STXBP3: variants seen among roughly 807,000 people sequenced by gnomAD.
STXBP3 encodes syntaxin binding protein 3.
A neutral mutation model predicts 85.7 loss-of-function variants in STXBP3; 41 were observed. That is an observed-to-expected ratio of 0.48 (90% confidence interval 0.37 to 0.62). The LOEUF is 0.62. STXBP3 is among the 20% of genes least tolerant of loss of function. The probability of loss-of-function intolerance (pLI) is 0.00; values close to 1 mark genes in which losing one functional copy is unlikely to be tolerated. For synonymous variants in STXBP3, 229 were observed against 231.7 expected, an observed-to-expected ratio of 0.99 and a Z score of 0.10; for missense variants, 563 against 703.1, an observed-to-expected ratio of 0.80 and a Z score of 2.25.
chr1:108,760,598 A>G (rs1177184987), intron 6 of STXBP3, among the ~76,000 whole-genome samples: 2 of 152,174 alleles, frequency 1.3e-5, no homozygotes. Context: ...TGTGTCATAT[A>G]CTTTCCTGAG....
chr1:108,796,323 T>C lies in STXBP3; in HGVS notation c.1200T>C (p.Asp400=). ...LLPVLLNKNH[D]NCDKIRAILL... ...CAGTTCTACTCAACAAAAATCATGA[T>C]AATTGTGATAAAATAAGAGCAATTC... The change falls in exon 14 of 19, where the codon GAT becomes GAC. Residue 400 remains aspartate, a synonymous_variant. Transcript: ENST00000370008. 6.2e-7 allele frequency: 1 copy of C among 1,600,080 alleles called. No homozygotes were observed. Among genetic ancestry groups the C allele is most frequent in the Non-Finnish European group, 8.6e-7 (1 of 1,167,314 alleles).
chr1:108,752,925 TAAAAG>T, intron 2 of STXBP3, 133 bp from the exon 3 acceptor site: 1 of 526,864 alleles, frequency 1.9e-6, no homozygotes, highest in Non-Finnish European at 3.3e-6. Flanking sequence ...TCATGCAAGA[TAAAAG>T]ATGAGATCAT....
rs1363429168 is a variant in STXBP3 at position 108,772,563 on chromosome 1, ATATC to A, written c.439-98_439-95del. ...TATAATATATAAATACATATGATAT[ATATC>A]TATATAATATATACATTATATATAA... On this transcript the variant is annotated intron_variant, in intron 6 of 18. Coordinates refer to ENST00000370008, the MANE Select transcript of STXBP3 (RefSeq NM_007269.4). 2.2e-5 allele frequency: 8 copies of A among 360,186 alleles called. No individual in the cohort carries two copies. In the East Asian group the frequency reaches 8.9e-4, roughly 40 times the overall value. The allele number at this position is 360,186 out of a possible 1,614,324, so 22.3% of individuals were successfully genotyped here.
At chr1:108,765,641 C>G (rs1191178770) in intron 6 of STXBP3, among the ~76,000 whole-genome samples, 2 of 127,454 alleles carry the variant, frequency 1.6e-5, no homozygotes, top group Non-Finnish European at 3.1e-5. Context: ...GTGGTGCAAT[C>G]TCGTTTCACT....
chr1:108,756,279 C>T (rs530360906), intron 3 of STXBP3, among the ~76,000 whole-genome samples: 2 of 152,176 alleles, frequency 1.3e-5, no homozygotes, highest in Admixed American at 6.5e-5. Flanking sequence ...AAAACTTGGG[C>T]TCTGGAGTCA....
At chr1:108,789,071 AT>A (rs1344274826) in intron 11 of STXBP3, among the ~76,000 whole-genome samples, 19 of 152,192 alleles carry the variant, frequency 1.2e-4, no homozygotes, top group Non-Finnish European at 2.1e-4. Flanking sequence ...GTAAAAAAAA[AT>A]AAAATAAAAT....
rs534714264 is a variant in STXBP3 at position 108,790,953 on chromosome 1, A to G, written c.964-2629A>G. 2.0e-5 allele frequency among the ~76,000 whole-genome samples: 3 copies of G among 152,290 alleles called. No individual in the cohort carries two copies. In the East Asian group the frequency reaches 5.8e-4, roughly 29 times the overall value. ...AATAAAAGCAAGATGTTATTTTGTT[A>G]TAAACACTCAGTAGACTTTTATTAT... is the stretch of plus-strand genomic sequence containing the variant. On this transcript the variant is annotated intron_variant, in intron 11 of 18. Transcript: ENST00000370008.
chr1:108,764,936 G>A (rs1252587322), intron 6 of STXBP3, among the ~76,000 whole-genome samples: 1 of 152,136 alleles, frequency 6.6e-6, no homozygotes, highest in East Asian at 1.9e-4. Flanking sequence ...TGGCGTCTTT[G>A]TCTTGAAATC....
intron 3 of STXBP3, among the ~76,000 whole-genome samples, chr1:108,754,804 A>G (rs759503096): frequency 2.6e-5 from 4 of 152,172 alleles, no homozygotes; most frequent in Admixed American, 6.5e-5. Flanking sequence ...TTGGCCACAG[A>G]AAGCTATTTT....
chr1:108,773,956 CA>C (rs1308329780), intron 7 of STXBP3, among the ~76,000 whole-genome samples: 35 of 152,046 alleles, frequency 2.3e-4, no homozygotes, highest in East Asian at 3.9e-4. Flanking sequence ...CTACCAAGGT[CA>C]AAAAAATAGA....
At chr1:108,784,641 A>C (rs1367108742) in intron 11 of STXBP3, among the ~76,000 whole-genome samples, 1 of 152,192 alleles carries the variant, frequency 6.6e-6, no homozygotes, top group Non-Finnish European at 1.5e-5. Flanking sequence ...ATGCCCTTCC[A>C]ACAGTCCCCT....
intron 6 of STXBP3, among the ~76,000 whole-genome samples, chr1:108,764,401 G>T (rs1033431545): frequency 7.9e-5 from 12 of 151,882 alleles, no homozygotes; most frequent in Non-Finnish European, 1.5e-4. Context: ...TATTCTTTTG[G>T]GTATATACCT....
intron 4 of STXBP3, 123 bp from the exon 5 acceptor site, chr1:108,758,384 AATT>A: frequency 2.3e-6 from 1 of 442,922 alleles, no homozygotes; most frequent in Non-Finnish European, 4.0e-6. Flanking sequence ...TCAGTTTATA[AATT>A]AAACTTTTAG....
intron 4 of STXBP3, among the ~76,000 whole-genome samples, chr1:108,758,141 T>C (rs1662059183): frequency 1.3e-5 from 2 of 152,120 alleles, no homozygotes; most frequent in Admixed American, 1.3e-4. Context: ...TAGATGATAC[T>C]TATAGTATGT....
chr1:108,767,433 T>G (rs1341381373), intron 6 of STXBP3: 1 of 198,494 alleles, frequency 5.0e-6, no homozygotes, highest in Non-Finnish European at 1.0e-5. Flanking sequence ...AACTTGAGCT[T>G]TATCACAGGT....
chr1:108,772,792 A>G lies in STXBP3; in HGVS notation c.566A>G (p.Asp189Gly). ...DQIVTVCATLDENPGVRYKSK... is the reference protein window; with the variant it reads ...DQIVTVCATLGENPGVRYKSK... Reference sequence around the variant, plus strand: ...ATAGTTACAGTGTGTGCCACCTTGGATGAAAATCCCGGAGTAAGATATAAA... The same window carrying G: ...ATAGTTACAGTGTGTGCCACCTTGGGTGAAAATCCCGGAGTAAGATATAAA... The change falls in exon 7 of 19, where the codon GAT becomes GGT. Residue 189 changes from aspartate to glycine, a missense_variant. Transcript: ENST00000370008. The G allele has an allele frequency of 1.3e-6, 2 of 1,599,048 alleles. No individual in the cohort carries two copies. Among genetic ancestry groups the G allele is most frequent in the South Asian group, 1.1e-5 (1 of 89,244 alleles).
At chr1:108,755,410 A>C (rs931979645) in intron 3 of STXBP3, among the ~76,000 whole-genome samples, 1 of 152,132 alleles carries the variant, frequency 6.6e-6, no homozygotes, top group Non-Finnish European at 1.5e-5. Flanking sequence ...TTGTGCCACT[A>C]CACTCCAGCC....
intron 2 of STXBP3, 102 bp downstream of exon 2, chr1:108,752,408 A>T: frequency 9.4e-7 from 1 of 1,067,814 alleles, no homozygotes; most frequent in Non-Finnish European, 1.4e-6. Flanking sequence ...GTATTCTAGT[A>T]TAAGTAATCT....
intron 17 of STXBP3, among the ~76,000 whole-genome samples, chr1:108,802,530 G>A (rs959290541): frequency 3.3e-5 from 5 of 152,140 alleles, no homozygotes; most frequent in Non-Finnish European, 5.9e-5. Context: ...TTCCACCAAT[G>A]CAGTAAAGCT....
Sources: gnomAD v4.1 joint callset for allele counts (sites outside exome capture counted in the v4.1 genomes callset) on GRCh38, gnomAD v4.1.1 for gene constraint, MANE v1.5 for transcripts, NCBI Gene and HGNC (gene_info 2026-07-23, HGNC 2026-07-21) for gene names.